MED12L: variants seen among roughly 807,000 people sequenced by gnomAD.
The protein encoded by MED12L is mediator complex subunit 12L, also known as mediator of RNA polymerase II transcription subunit 12-like protein.
MED12L carries 60 observed loss-of-function variants against 281.3 expected under a neutral mutation model. The ratio of observed to expected loss-of-function variants is 0.21; its 90% CI spans 0.17 to 0.26. MED12L has a LOEUF of 0.26. MED12L is among the 10% of genes least tolerant of loss of function. MED12L has a pLI of 1.00. For missense variants in MED12L, 2,146 were observed against 2,680.9 expected (o/e 0.80, Z 4.41); for synonymous variants, 974 against 987.2 (o/e 0.99, Z 0.25).
intron 6 of MED12L, among the ~76,000 whole-genome samples, chr3:151,157,943 T>C (rs551529592): frequency 6.6e-6 from 1 of 152,326 alleles, no homozygotes; most frequent in East Asian, 1.9e-4. Flanking sequence ...TATAATAGGA[T>C]ATTAAATCTA....
intron 43 of MED12L, 104 bp downstream of exon 43, chr3:151,416,526 T>C: frequency 7.9e-7 from 1 of 1,269,230 alleles, no homozygotes; most frequent in South Asian, 1.4e-5. Flanking sequence ...AGCCTAAGTA[T>C]ACCCTAAAAA....
chr3:151,268,088 C>T (rs1453301462), intron 16 of MED12L, among the ~76,000 whole-genome samples: 1 of 152,078 alleles, frequency 6.6e-6, no homozygotes, highest in Non-Finnish European at 1.5e-5. Flanking sequence ...CGGTGGTAGT[C>T]TTTAAACAGT....
At chr3:151,244,958 A>G (rs1466890856) in intron 16 of MED12L, among the ~76,000 whole-genome samples, 2 of 152,252 alleles carry the variant, frequency 1.3e-5, no homozygotes, top group African/African-American at 4.8e-5. Flanking sequence ...TCCCACAGAA[A>G]TACAAACTAC....
intron 12 of MED12L, among the ~76,000 whole-genome samples, chr3:151,186,381 G>A (rs1723282761): frequency 6.6e-6 from 1 of 152,098 alleles, no homozygotes; most frequent in Non-Finnish European, 1.5e-5. Context: ...AGATCGCATT[G>A]TCTCCTTACT....
Position 151,378,118 on chromosome 3 carries a change from G to A in MED12L, c.4423G>A (p.Gly1475Arg). ...AGCCGCTGGGGAAGAGCTGGAGAAGGGACAGCACTTGGGTTCTTCTTCCAA... is the reference window on the plus strand; with the variant it reads ...AGCCGCTGGGGAAGAGCTGGAGAAGAGACAGCACTTGGGTTCTTCTTCCAA... Reference protein sequence around the residue: ...LKAAGEELEKGQHLGSSSKKE... With the variant: ...LKAAGEELEKRQHLGSSSKKE... Residue 1475 changes from glycine to arginine, a missense_variant, in exon 31 of 45, where the codon GGA becomes AGA. This residue lies in a region of MED12L where 212 missense variants were observed against 340.8 expected (regional missense o/e 0.62). Coordinates refer to ENST00000687756, the MANE Select transcript of MED12L (RefSeq NM_001393769.1). The A allele has an allele frequency of 3.1e-6, 5 of 1,612,246 alleles. No individual in the cohort carries two copies. The highest frequency in any genetic ancestry group is 4.2e-6 in the Non-Finnish European group (5 of 1,178,874).
intron 16 of MED12L, among the ~76,000 whole-genome samples, chr3:151,310,162 A>T (rs1357902442): frequency 1.3e-5 from 2 of 152,244 alleles, no homozygotes; most frequent in African/African-American, 4.8e-5. Flanking sequence ...GAGGAAAGTC[A>T]GCCAGGTATA....
chr3:151,302,038 T>C (rs944441887), intron 16 of MED12L, among the ~76,000 whole-genome samples: 1 of 152,212 alleles, frequency 6.6e-6, no homozygotes, highest in Non-Finnish European at 1.5e-5. Context: ...AACTGTGGTA[T>C]AGGCAAAGGA....
intron 16 of MED12L, chr3:151,295,223 G>C: frequency 1.3e-6 from 2 of 1,585,432 alleles, no homozygotes; most frequent in Non-Finnish European, 1.7e-6. Flanking sequence ...TGTAGGAGAA[G>C]TGGGGAGATA....
At chr3:151,193,335 T>C (rs1724228201) in intron 15 of MED12L, among the ~76,000 whole-genome samples, 155 bp from the exon 16 acceptor site, 2 of 152,358 alleles carry the variant, frequency 1.3e-5, no homozygotes, top group South Asian at 4.1e-4. Context: ...ATGAATTTTG[T>C]GGAAATTAAC....
chr3:151,215,486 C>A (rs953092064), intron 16 of MED12L, among the ~76,000 whole-genome samples: 8 of 152,042 alleles, frequency 5.3e-5, no homozygotes, highest in Admixed American at 2.0e-4. Context: ...TTTTAAGACT[C>A]TGGCTACTAG....
At chr3:151,365,812 T>C in intron 22 of MED12L, 38 bp from the exon 23 acceptor site, 1 of 1,550,894 alleles carries the variant, frequency 6.4e-7, no homozygotes, top group Non-Finnish European at 8.7e-7. Context: ...TTCTCTTTTG[T>C]ACAAGGTTAC....
At chr3:151,292,666 G>A (rs975546553) in intron 16 of MED12L, among the ~76,000 whole-genome samples, 2 of 151,800 alleles carry the variant, frequency 1.3e-5, no homozygotes, top group South Asian at 2.1e-4. Context: ...TCCACCTCCC[G>A]GGTTCAAGCA....
intron 16 of MED12L, among the ~76,000 whole-genome samples, chr3:151,241,108 A>G (rs929291497): frequency 6.6e-6 from 1 of 152,088 alleles, no homozygotes; most frequent in Non-Finnish European, 1.5e-5. Flanking sequence ...GTTAGTTAGA[A>G]GTCTTAGATC....
At chr3:151,368,669 CATTTCATGTCATTTCATTTT>C (rs1324178199) in intron 25 of MED12L, among the ~76,000 whole-genome samples, 1,442 of 58,454 alleles carry the variant, frequency 0.025, 71 homozygotes, top group African/African-American at 0.085. Flanking sequence ...CATTTCATTT[CATTTCATGTCATTTCATTTT>C]ATTTCATTTC....
chr3:151,185,506 A>G, intron 12 of MED12L, 45 bp downstream of exon 12: 1 of 1,607,318 alleles, frequency 6.2e-7, no homozygotes, highest in East Asian at 2.2e-5. Context: ...GTAATGTAAA[A>G]ATACTGTTTT....
At chr3:151,295,749 A>G (rs1744998829) in intron 16 of MED12L, among the ~76,000 whole-genome samples, 1 of 152,206 alleles carries the variant, frequency 6.6e-6, no homozygotes, top group Admixed American at 6.5e-5. Context: ...TTCTTATAGT[A>G]CTTAAGATAT....
intron 16 of MED12L, chr3:151,269,421 ACAC>A (rs1740453006): frequency 9.6e-6 from 2 of 208,892 alleles, no homozygotes; most frequent in African/African-American, 4.7e-5. Context: ...ACACACACAC[ACAC>A]ACACACACAC....
In MED12L at chr3:151,190,742, G is replaced by C. The variant is rs747740641; in HGVS notation, c.1779G>C (p.Lys593Asn). The change falls in exon 14 of 45, where the codon AAG (lysine) becomes AAC (asparagine). Residue 593 changes from lysine (K) to asparagine (N), a missense_variant. Lys to Asn is a moderately conservative substitution (Grantham distance 94, BLOSUM62 0). Transcript: ENST00000687756. ...CGGACCCAAACAGTGAATGTGAAAA[G>C]GTGGAATTTGTGAACCTGGTGCTGC... ...SLSDPNSECE[K>N]VEFVNLVLLF... The C allele has an allele frequency of 6.2e-7, 1 of 1,614,136 alleles. No homozygotes were observed. Among genetic ancestry groups the C allele is most frequent in the Non-Finnish European group, 8.5e-7 (1 of 1,180,022 alleles).
intron 32 of MED12L, among the ~76,000 whole-genome samples, chr3:151,381,039 C>T (rs530245210): frequency 5.3e-4 from 80 of 152,244 alleles, no homozygotes; most frequent in Non-Finnish European, 1.0e-3. Context: ...AAACACAGTT[C>T]TCCTGGTCAC....
Sources: allele counts gnomAD v4.1 joint callset (sites outside exome capture counted in the v4.1 genomes callset), GRCh38; gene constraint gnomAD v4.1.1; regional missense constraint gnomAD v4.1.1; transcripts MANE v1.5; gene names NCBI Gene and HGNC (gene_info 2026-07-23, HGNC 2026-07-21).